Variants in MRTFA observed in about 807,000 individuals in gnomAD.
The protein encoded by MRTFA is myocardin related transcription factor A.
Under a neutral mutation model 83.5 loss-of-function variants are expected in MRTFA, and 20 were observed. The ratio of observed to expected loss-of-function variants is 0.24; its 90% confidence interval spans 0.17 to 0.35. The LOEUF (loss-of-function observed/expected upper bound fraction) is 0.35, where lower values mean the gene tolerates loss of function less well. Among genes scored for constraint, MRTFA ranks in the 10% least tolerant of loss-of-function variants. The pLI is 1.00. For synonymous variants in MRTFA, 659 were observed against 541.2 expected (o/e 1.22, Z -3.02); for missense variants, 1,200 against 1,224.7 (o/e 0.98, Z 0.30).
chr22:40,629,590 C>T (rs1320090814), intron 1 of MRTFA, among the ~76,000 whole-genome samples: 1 of 151,246 alleles, frequency 6.6e-6, no homozygotes, highest in African/African-American at 2.4e-5. Flanking sequence ...AGTGAAACTC[C>T]GTCCCTACTA....
At chr22:40,421,384 A>G (rs2052835794) in intron 9 of MRTFA, among the ~76,000 whole-genome samples, 1 of 152,160 alleles carries the variant, frequency 6.6e-6, no homozygotes, top group Admixed American at 6.5e-5. Flanking sequence ...AGCAGGGTGA[A>G]CACAAGGAGG....
intron 7 of MRTFA, among the ~76,000 whole-genome samples, chr22:40,428,005 T>C (rs6001910): frequency 0.12 from 17,645 of 152,076 alleles, 1,172 homozygotes; most frequent in East Asian, 0.24. Flanking sequence ...AATACCACCA[T>C]TCCCCCTGGC....
intron 3 of MRTFA, among the ~76,000 whole-genome samples, chr22:40,537,004 G>C (rs1293406949): frequency 3.0e-5 from 2 of 67,506 alleles, no homozygotes; most frequent in African/African-American, 7.0e-5. Flanking sequence ...CCCCGTCCGG[G>C]AGGGAGGTGG....
At chr22:40,473,370 A>G (rs1362527449) in intron 3 of MRTFA, among the ~76,000 whole-genome samples, 4 of 152,042 alleles carry the variant, frequency 2.6e-5, no homozygotes, top group African/African-American at 9.7e-5. Flanking sequence ...TGTTGCCCAG[A>G]CTGGTATCGA....
intron 3 of MRTFA, among the ~76,000 whole-genome samples, chr22:40,536,289 C>G (rs1483379769): frequency 6.6e-6 from 1 of 152,062 alleles, no homozygotes; most frequent in Non-Finnish European, 1.5e-5. Flanking sequence ...GGCAACAGAG[C>G]AAGACCCTGT....
At chr22:40,534,480 G>C (rs1005732140) in intron 3 of MRTFA, among the ~76,000 whole-genome samples, 2 of 152,070 alleles carry the variant, frequency 1.3e-5, no homozygotes, top group African/African-American at 4.8e-5. Flanking sequence ...TTTGAGACAG[G>C]GTCTCACTCC....
At chr22:40,498,252 CATAT>C (rs200779719) in intron 3 of MRTFA, among the ~76,000 whole-genome samples, 1,589 of 77,462 alleles carry the variant, frequency 0.021, 86 homozygotes, top group African/African-American at 0.054. Context: ...GTACACACTT[CATAT>C]ATATATATAT....
At chr22:40,602,477 GA>G (rs1406770404) in intron 1 of MRTFA, among the ~76,000 whole-genome samples, 2 of 152,146 alleles carry the variant, frequency 1.3e-5, no homozygotes, top group Non-Finnish European at 2.9e-5. Flanking sequence ...AGGATAAAGA[GA>G]AAGTAAGGCT....
intron 2 of MRTFA, chr22:40,569,178 G>C (rs898359872): frequency 6.5e-6 from 1 of 153,922 alleles, no homozygotes; most frequent in Non-Finnish European, 1.5e-5. Context: ...TGTGAGCTCA[G>C]GAGTTTGAGG....
intron 3 of MRTFA, among the ~76,000 whole-genome samples, chr22:40,546,430 G>A (rs1372656156): frequency 2.6e-5 from 4 of 152,218 alleles, no homozygotes; most frequent in East Asian, 3.8e-4. Flanking sequence ...GTAGATATCC[G>A]TGGAGGAAAA....
At chr22:40,476,742 G>A (rs1420871412) in intron 3 of MRTFA, among the ~76,000 whole-genome samples, 1 of 151,798 alleles carries the variant, frequency 6.6e-6, no homozygotes, top group Non-Finnish European at 1.5e-5. Flanking sequence ...ATGAACCACC[G>A]CGCAGCCTAA....
chr22:40,420,996 C>T lies in MRTFA; in HGVS notation c.1032G>A (p.Pro344=), dbSNP rs752819736. The T allele has an allele frequency of 6.8e-6, 11 of 1,606,828 alleles. No homozygotes were observed. The highest frequency in any genetic ancestry group is 2.7e-5 in the African/African-American group (2 of 74,938). Residue 344 remains proline (P), a synonymous_variant, in exon 10 of 15, where the codon CCG becomes CCA. Coordinates refer to ENST00000355630, the MANE Select transcript of MRTFA (RefSeq NM_020831.6). Reference sequence around the variant, plus strand: ...GTGCCCCCCTGTCCTGCTTCTGGTCCGGGGGGATGTACTGGTGGTACTTGA... The same window carrying T: ...GTGCCCCCCTGTCCTGCTTCTGGTCTGGGGGGATGTACTGGTGGTACTTGA...
chr22:40,480,800 G>A (rs9611360), intron 3 of MRTFA, among the ~76,000 whole-genome samples: 1 of 143,752 alleles, frequency 7.0e-6, no homozygotes, highest in East Asian at 2.0e-4. Flanking sequence ...CCAGGCTGGA[G>A]TGCAGTGGCG....
intron 4 of MRTFA, among the ~76,000 whole-genome samples, chr22:40,459,830 C>CATATATACATATATATATATATATATAT (rs1555973837): frequency 2.3e-5 from 2 of 86,952 alleles, no homozygotes; most frequent in Non-Finnish European, 4.2e-5. Flanking sequence ...CACATATATA[C>CATATATACATATATATATATATATATAT]ATATATATAT....
intron 3 of MRTFA, among the ~76,000 whole-genome samples, chr22:40,463,869 TCTGTTG>T (rs2053762471): frequency 6.6e-6 from 1 of 152,200 alleles, no homozygotes; most frequent in Admixed American, 6.5e-5. Flanking sequence ...TAGAGCCTTT[TCTGTTG>T]AGGTGAAACA....
intron 3 of MRTFA, among the ~76,000 whole-genome samples, chr22:40,546,087 T>A (rs1340520336): frequency 6.6e-6 from 1 of 152,216 alleles, no homozygotes; most frequent in East Asian, 1.9e-4. Flanking sequence ...AGTACATTTC[T>A]CACTCCACTC....
Position 40,562,740 on chromosome 22 carries a change from GGGGGAAC to G in MRTFA, c.-21-10380_-21-10374del, listed in dbSNP as rs1213156155. 1.0e-3 allele frequency among the ~76,000 whole-genome samples: 92 copies of G among 88,626 alleles called. 2 individuals are homozygous for G. The East Asian group carries it at 0.033, about 32-fold the overall frequency. 58.1% of individuals were successfully genotyped at this position (88,626 alleles called of 152,430 possible). On this transcript the variant is annotated intron_variant, in intron 2 of 14. Coordinates refer to ENST00000355630, the MANE Select transcript of MRTFA (RefSeq NM_020831.6). ...GAAGGGGGAAGGGGGAAGGGGGGAA[GGGGGAAC>G]GGACGGAGGGGGGAATGGAGGGAGG...
chr22:40,545,411 C>A (rs1402385076), intron 3 of MRTFA, among the ~76,000 whole-genome samples: 2 of 151,992 alleles, frequency 1.3e-5, no homozygotes, highest in Non-Finnish European at 2.9e-5. Flanking sequence ...CCCACAGGTA[C>A]CTCTGCTAAC....
At position 40,411,780 on chromosome 22, in the gene MRTFA, T is replaced by A. The variant is rs760670654; in HGVS notation, c.2706A>T (p.Pro902=). 65 of 1,531,776 alleles carry A rather than the reference T, an allele frequency of 4.2e-5. No individual in the cohort carries two copies. Among genetic ancestry groups the A allele is most frequent in the Non-Finnish European group, 5.5e-5 (62 of 1,134,080 alleles). 94.9% of individuals were successfully genotyped at this position (1,531,776 alleles called of 1,614,324 possible). A position where few individuals can be genotyped will look rare whatever the true frequency, so the allele number is the denominator to read the frequency against. The change falls in exon 15 of 15, where the codon CCA becomes CCT. Residue 902 remains proline, a synonymous_variant. Coordinates refer to ENST00000355630, the MANE Select transcript of MRTFA (RefSeq NM_020831.6). ...GGAGGGAGGGTGAGCCTGGAGGAGG[T>A]GGGGCAGCCTGGGGGAGCTCAGCAG...
Sources: allele counts gnomAD v4.1 joint callset (sites outside exome capture counted in the v4.1 genomes callset), GRCh38; gene constraint gnomAD v4.1.1; transcripts MANE v1.5; gene names NCBI Gene and HGNC (gene_info 2026-07-23, HGNC 2026-07-21).